The following PCNP variants were observed in gnomAD, a reference collection of about 807,000 sequenced individuals.
PCNP encodes the protein PEST proteolytic signal-containing nuclear protein.
Under a neutral mutation model 21.8 loss-of-function variants are expected in PCNP, and 6 were observed. The ratio of observed to expected loss-of-function variants is 0.28; its 90% CI spans 0.15 to 0.54. The LOEUF (loss-of-function observed/expected upper bound fraction) is 0.54. Ranked by LOEUF, PCNP falls within the 20% of genes least tolerant of loss-of-function variation. The pLI is 0.95. For synonymous variants in PCNP, 67 were observed against 73.2 expected (o/e 0.92, Z 0.43); for missense variants, 161 against 215.5 (o/e 0.75, Z 1.58).
rs1014487915 is a variant in PCNP, at chr3:101,586,081, G to T, written c.354+570G>T. On this transcript the variant is annotated intron_variant, in intron 3 of 4. Transcript: ENST00000265260. ...AGCTACTTGGGAGGGTGAGGCAGGA[G>T]AATTGCTTGAACCCAGGAGATGGAG... Among the ~76,000 whole-genome samples, 3 of 146,322 alleles carry T rather than the reference G, an allele frequency of 2.1e-5. No homozygotes were observed. The East Asian group carries it at 6.3e-4, about 31-fold the overall frequency.
intron 2 of PCNP, among the ~76,000 whole-genome samples, chr3:101,581,052 T>G (rs1316839823): frequency 1.3e-5 from 2 of 152,262 alleles, no homozygotes; most frequent in Non-Finnish European, 2.9e-5. Flanking sequence ...GAGCAGTCAG[T>G]ATATTTGGGC....
At chr3:101,590,711 A>AT (rs11459723) in intron 4 of PCNP, among the ~76,000 whole-genome samples, 21,376 of 148,160 alleles carry the variant, frequency 0.14, 1,546 homozygotes, top group South Asian at 0.2. Flanking sequence ...CACCCGGCTG[A>AT]TTTTTTTTTT....
chr3:101,583,220 G>T (rs895314921), intron 2 of PCNP, among the ~76,000 whole-genome samples: 1 of 152,152 alleles, frequency 6.6e-6, no homozygotes. Context: ...ACTTTGGGAG[G>T]CCAAGTCAGT....
At chr3:101,576,649 G>C in intron 1 of PCNP, 1 of 1,611,762 alleles carries the variant, frequency 6.2e-7, no homozygotes, top group South Asian at 1.1e-5. Context: ...CAGACCATTG[G>C]CTAGGACCTG....
At chr3:101,591,318 T>C (rs1935793136) in intron 4 of PCNP, among the ~76,000 whole-genome samples, 1 of 152,212 alleles carries the variant, frequency 6.6e-6, no homozygotes, top group Non-Finnish European at 1.5e-5. Flanking sequence ...CCCCATACTA[T>C]GTCCCCATTT....
chr3:101,589,896 T>A (rs1419029373), intron 3 of PCNP: 2 of 253,146 alleles, frequency 7.9e-6, no homozygotes, highest in East Asian at 1.1e-4. Context: ...ACCTCCCTCA[T>A]GCGATTATGT....
intron 4 of PCNP, among the ~76,000 whole-genome samples, chr3:101,591,895 C>G (rs1205482381): frequency 2.0e-5 from 3 of 150,438 alleles, no homozygotes; most frequent in South Asian, 2.1e-4. Flanking sequence ...CCTCAGCCTC[C>G]TAAGCAGCTG....
chr3:101,581,699 G>C (rs1406176034), intron 2 of PCNP, among the ~76,000 whole-genome samples: 1 of 151,922 alleles, frequency 6.6e-6, no homozygotes, highest in African/African-American at 2.4e-5. Context: ...CTCCCAGAGT[G>C]CTGGAATTAT....
chr3:101,581,050 A>G (rs1367408665), intron 2 of PCNP, among the ~76,000 whole-genome samples: 3 of 152,230 alleles, frequency 2.0e-5, no homozygotes, highest in African/African-American at 7.2e-5. Context: ...TGGAGCAGTC[A>G]GTATATTTGG....
At chr3:101,584,711 C>G (rs1255414827) in intron 2 of PCNP, among the ~76,000 whole-genome samples, 1 of 152,138 alleles carries the variant, frequency 6.6e-6, no homozygotes, top group Middle Eastern at 3.2e-3. Flanking sequence ...ATTACAGGCA[C>G]TCACCACCAC....
chr3:101,590,059 G>T, intron 3 of PCNP, 156 bp from the exon 4 acceptor site: 1 of 608,006 alleles, frequency 1.6e-6, no homozygotes, highest in Non-Finnish European at 3.0e-6. Context: ...TTTTTTAAAT[G>T]TAGTTAAGGT....
In PCNP at chr3:101,594,098, CT is replaced by C. The variant is rs958975679; in HGVS notation, c.*1349del. On this transcript the variant is annotated 3_prime_UTR_variant, in exon 5 of 5. Coordinates refer to ENST00000265260, the MANE Select transcript of PCNP (RefSeq NM_020357.3). Reference sequence around the variant, plus strand: ...ATTGGTGGTAGCTGCTTGCTGAGGTCTTTTAGTTGGTAATAACTCCAGAGAA... The same window carrying C: ...ATTGGTGGTAGCTGCTTGCTGAGGTCTTTAGTTGGTAATAACTCCAGAGAA... The C allele has an allele frequency of 6.6e-6, 1 of 152,312 alleles. No individual in the cohort carries two copies. The highest frequency in any genetic ancestry group is 1.5e-5 in the Non-Finnish European group (1 of 68,028). The allele number at this position is 152,312 out of a possible 1,614,324, so 9.4% of individuals were successfully genotyped here. A position where few individuals can be genotyped will look rare whatever the true frequency, so the allele number is the denominator to read the frequency against.
chr3:101,583,678 C>T (rs181713506), intron 2 of PCNP, among the ~76,000 whole-genome samples: 1 of 152,148 alleles, frequency 6.6e-6, no homozygotes, highest in Non-Finnish European at 1.5e-5. Flanking sequence ...GACAGAGACT[C>T]ACTCTGTCAC....
intron 2 of PCNP, among the ~76,000 whole-genome samples, chr3:101,582,634 C>A (rs1935285993): frequency 1.3e-5 from 2 of 152,196 alleles, no homozygotes; most frequent in Non-Finnish European, 2.9e-5. Context: ...TCTAGAGTTA[C>A]TATGCATAAT....
chr3:101,574,290 C>A lies in PCNP; in HGVS notation c.64+11C>A. On this transcript the variant is annotated intron_variant, in intron 1 of 4. Coordinates refer to ENST00000265260, the MANE Select transcript of PCNP (RefSeq NM_020357.3). ...CTGGAGCCGCCGGAGGTGAACACAA[C>A]CCCAGCGTCGTGGGCAGCGTGGGAT... is the stretch of plus-strand genomic sequence containing the variant. 3 of 1,539,350 alleles carry A rather than the reference C, an allele frequency of 1.9e-6. No individual in the cohort carries two copies. The highest frequency in any genetic ancestry group is 2.6e-6 in the Non-Finnish European group (3 of 1,138,994).
chr3:101,586,349 G>A (rs571713908), intron 3 of PCNP, among the ~76,000 whole-genome samples: 92 of 152,060 alleles, frequency 6.1e-4, no homozygotes, highest in African/African-American at 2.2e-3. Context: ...ATTTCCTCAT[G>A]CCCCTCACAA....
intron 4 of PCNP, among the ~76,000 whole-genome samples, chr3:101,591,546 C>T (rs1434192090): frequency 1.3e-5 from 2 of 152,110 alleles, no homozygotes; most frequent in African/African-American, 4.8e-5. Flanking sequence ...GTTGTTGTCC[C>T]GCCTAAACAC....
intron 1 of PCNP, chr3:101,579,578 T>C (rs1339446551): frequency 7.2e-6 from 5 of 695,238 alleles, no homozygotes; most frequent in African/African-American, 1.8e-5. Context: ...TTGCTCTGTA[T>C]TTTATGCTAG....
chr3:101,574,208 CG>C lies in PCNP; in HGVS notation c.-4del, dbSNP rs1415832899. The C allele has an allele frequency of 5.8e-6, 9 of 1,548,792 alleles. No homozygotes were observed. The South Asian group carries it at 8.4e-5, about 14-fold the overall frequency. On this transcript the variant is annotated 5_prime_UTR_variant, in exon 1 of 5. Coordinates refer to ENST00000265260, the MANE Select transcript of PCNP (RefSeq NM_020357.3). ...GGCGTGGCTGCAGGGGAGGCCGCGG[CG>C]GGGAAAATGGCGGACGGGAAGGCGG...
Sources: gnomAD v4.1 joint callset for allele counts (sites outside exome capture counted in the v4.1 genomes callset) on GRCh38, gnomAD v4.1.1 for gene constraint, MANE v1.5 for transcripts, NCBI Gene and HGNC (gene_info 2026-07-23, HGNC 2026-07-21) for gene names.